The following LTBP1 variants were observed in gnomAD, a reference collection of about 807,000 sequenced individuals.
The protein encoded by LTBP1 is latent transforming growth factor beta binding protein 1.
In LTBP1, 129 loss-of-function variants were observed where a neutral mutation model predicts 207.6. That is an observed-to-expected ratio of 0.62 (90% CI 0.54 to 0.72). The LOEUF (loss-of-function observed/expected upper bound fraction) is 0.72. LTBP1 is among the 30% of genes least tolerant of loss of function. The pLI is 0.00. For missense variants in LTBP1, 2,281 were observed against 2,217.2 expected (o/e 1.03, Z -0.58); for synonymous variants, 963 against 833.7 (o/e 1.16, Z -2.67).
rs748685270 is a variant in LTBP1, at chr2:33,274,982, C to G, written c.2761C>G (p.Gln921Glu). ...RKCVDIDECT[Q>E]VQHLCSQGRC... ...GTTAACAGATATTGATGAGTGTACT[C>G]AGGTCCAACACCTCTGCTCCCAGGG... Residue 921 changes from glutamine (Q) to glutamate (E), a missense_variant, in exon 17 of 34, where the codon CAG becomes GAG. Gln to Glu is a conservative substitution (Grantham distance 29). Transcript: ENST00000404816. 26 of 1,613,842 alleles carry G rather than the reference C, an allele frequency of 1.6e-5. No homozygotes were observed. In the African/African-American group the frequency reaches 2.8e-4, roughly 17 times the overall value.
At chr2:33,014,994 CTTT>C (rs970499735) in intron 2 of LTBP1, among the ~76,000 whole-genome samples, 1 of 141,136 alleles carries the variant, frequency 7.1e-6, no homozygotes. Context: ...GTTTTGGCCA[CTTT>C]TTTTTTTTTT....
At chr2:32,963,611 C>T (rs1679486453) in intron 2 of LTBP1, among the ~76,000 whole-genome samples, 1 of 152,134 alleles carries the variant, frequency 6.6e-6, no homozygotes. Flanking sequence ...TGTTTTGTAC[C>T]TTTAGGTCTT....
chr2:33,186,529 T>C (rs1427191874), intron 5 of LTBP1, among the ~76,000 whole-genome samples: 3 of 152,184 alleles, frequency 2.0e-5, no homozygotes, highest in South Asian at 2.1e-4. Flanking sequence ...TTGCAAATGG[T>C]ACTTAAAATG....
chr2:33,344,514 C>T (rs6751758), intron 25 of LTBP1, among the ~76,000 whole-genome samples: 1 of 152,104 alleles, frequency 6.6e-6, no homozygotes, highest in African/African-American at 2.4e-5. Context: ...GAATATCCTC[C>T]TGACCTCTCC....
chr2:33,011,926 T>C (rs533907707), intron 2 of LTBP1, among the ~76,000 whole-genome samples: 135 of 152,260 alleles, frequency 8.9e-4, no homozygotes, highest in African/African-American at 3.1e-3. Context: ...CGTGTGTTAT[T>C]TATTTCTCTC....
At chr2:32,988,232 A>G (rs573345632) in intron 2 of LTBP1, among the ~76,000 whole-genome samples, 20 of 152,326 alleles carry the variant, frequency 1.3e-4, no homozygotes, top group Admixed American at 3.3e-4. Context: ...TTTAAAGCCA[A>G]TCAGTTTATC....
intron 7 of LTBP1, among the ~76,000 whole-genome samples, chr2:33,215,794 C>T (rs2090645786): frequency 6.7e-6 from 1 of 149,442 alleles, no homozygotes; most frequent in Non-Finnish European, 1.5e-5. Context: ...GGGCTCACTG[C>T]AATCTCTGCC....
chr2:33,278,059 C>A (rs893097802), intron 18 of LTBP1, among the ~76,000 whole-genome samples: 1 of 151,452 alleles, frequency 6.6e-6, no homozygotes, highest in Non-Finnish European at 1.5e-5. Flanking sequence ...GTCTCGATCT[C>A]CTGACCTCGT....
chr2:33,006,018 C>A (rs1686811857), intron 2 of LTBP1, among the ~76,000 whole-genome samples: 1 of 152,184 alleles, frequency 6.6e-6, no homozygotes, highest in East Asian at 1.9e-4. Context: ...CATTCTCACT[C>A]CACAGAAGCC....
intron 4 of LTBP1, among the ~76,000 whole-genome samples, chr2:33,126,738 A>G (rs974330981): frequency 1.2e-4 from 18 of 152,290 alleles, no homozygotes; most frequent in African/African-American, 4.1e-4. Context: ...GATGAGATCT[A>G]TTGAGTTTGG....
intron 4 of LTBP1, among the ~76,000 whole-genome samples, chr2:33,124,238 C>T (rs540457653): frequency 3.9e-5 from 6 of 152,146 alleles, no homozygotes; most frequent in South Asian, 2.1e-4. Flanking sequence ...GTGAAACCCC[C>T]GTCTCTACTA....
intron 3 of LTBP1, among the ~76,000 whole-genome samples, chr2:33,039,553 C>T (rs1049664075): frequency 6.6e-6 from 1 of 152,128 alleles, no homozygotes; most frequent in Non-Finnish European, 1.5e-5. Flanking sequence ...CCAAATATAT[C>T]GAGACACCAA....
At chr2:33,371,080 G>A (rs2095061916) in intron 31 of LTBP1, among the ~76,000 whole-genome samples, 1 of 152,200 alleles carries the variant, frequency 6.6e-6, no homozygotes, top group African/African-American at 2.4e-5. Context: ...CAGGGGAAAT[G>A]AGTGTGATGG....
intron 5 of LTBP1, among the ~76,000 whole-genome samples, chr2:33,168,568 G>C (rs749174100): frequency 6.6e-6 from 1 of 152,044 alleles, no homozygotes; most frequent in Non-Finnish European, 1.5e-5. Flanking sequence ...ATCAGTATTT[G>C]GGATTGTGTA....
At chr2:33,039,958 G>T (rs140407613) in intron 3 of LTBP1, among the ~76,000 whole-genome samples, 7 of 152,238 alleles carry the variant, frequency 4.6e-5, no homozygotes, top group Admixed American at 2.0e-4. Context: ...AGGAGAGTAG[G>T]TGTAAAATCT....
rs2093967207 is a variant in LTBP1 at position 33,300,477 on chromosome 2, C to G, written c.3262C>G (p.Leu1088Val). Residue 1088 changes from leucine to valine, a missense_variant, in exon 21 of 34, where the codon CTA becomes GTA. Leu to Val is a conservative substitution (Grantham distance 32). Coordinates refer to ENST00000404816, the MANE Select transcript of LTBP1 (RefSeq NM_206943.4). Reference sequence around the variant, plus strand: ...TATTGATGAATGTCAGCAAGGGAATCTATGTGTAAACGGGCAGTGCAAAAA... The same window carrying G: ...TATTGATGAATGTCAGCAAGGGAATGTATGTGTAAACGGGCAGTGCAAAAA... ...RDIDECQQGN[L>V]CVNGQCKNTE... is the part of the protein sequence containing the mutation. 6.2e-7 allele frequency: 1 copy of G among 1,613,470 alleles called. No homozygotes were observed. The highest frequency in any genetic ancestry group is 1.3e-5 in the African/African-American group (1 of 74,898).
chr2:33,381,114 A>T (rs781229946), intron 31 of LTBP1, among the ~76,000 whole-genome samples: 1 of 152,172 alleles, frequency 6.6e-6, no homozygotes, highest in African/African-American at 2.4e-5. Context: ...CTTGTCTCTT[A>T]TCAATTTTAG....
chr2:32,969,226 AAT>A (rs1491157922), intron 2 of LTBP1, among the ~76,000 whole-genome samples: 1 of 86,226 alleles, frequency 1.2e-5, no homozygotes, highest in Non-Finnish European at 2.3e-5. Flanking sequence ...GCACCTGGCC[AAT>A]TTGTGTGTGT....
intron 10 of LTBP1, among the ~76,000 whole-genome samples, chr2:33,251,490 C>A (rs984403628): frequency 2.0e-5 from 3 of 152,016 alleles, no homozygotes; most frequent in African/African-American, 7.2e-5. Flanking sequence ...GAAACCCTGT[C>A]TCTACTAAAA....
Sources: allele counts gnomAD v4.1 joint callset (sites outside exome capture counted in the v4.1 genomes callset), GRCh38; gene constraint gnomAD v4.1.1; transcripts MANE v1.5; gene names NCBI Gene and HGNC (gene_info 2026-07-23, HGNC 2026-07-21).